The following CAMTA1 variants were observed in gnomAD, a reference collection of about 807,000 sequenced individuals.
The protein encoded by CAMTA1 is calmodulin binding transcription activator 1, also known as calmodulin-binding transcription activator 1.
Under a neutral mutation model 170.9 loss-of-function variants are expected in CAMTA1, and 27 were observed. The observed-to-expected ratio is 0.16, with a 90% CI of 0.12 to 0.22. CAMTA1 has a LOEUF of 0.22. CAMTA1 is among the 10% of genes least tolerant of loss of function. The probability of loss-of-function intolerance (pLI) is 1.00; values close to 1 mark genes in which losing one functional copy is unlikely to be tolerated. For missense variants in CAMTA1, 1,619 were observed against 2,217.2 expected (o/e 0.73, Z 5.42); for synonymous variants, 833 against 891.5 (o/e 0.93, Z 1.17).
chr1:7,589,537 A>G (rs2095339371), intron 6 of CAMTA1, among the ~76,000 whole-genome samples: 1 of 152,152 alleles, frequency 6.6e-6, no homozygotes, highest in Admixed American at 6.5e-5. Flanking sequence ...GGTGTCCGTC[A>G]TTCTGTGCAG....
At chr1:7,106,708 C>T (rs1299860529) in intron 4 of CAMTA1, among the ~76,000 whole-genome samples, 1 of 151,986 alleles carries the variant, frequency 6.6e-6, no homozygotes, top group East Asian at 1.9e-4. Context: ...TCCAGTGAAA[C>T]TTGTTTGCTC....
At position 6,915,448 on chromosome 1, in the gene CAMTA1, T is replaced by C. The variant is rs139676158; in HGVS notation, c.234+90238T>C. Reference sequence around the variant, plus strand: ...GTTTTAATTCTTTTCCTGCCCAGCTTCCTGATGTGGGGGCATTGGTACAGG... The same window carrying C: ...GTTTTAATTCTTTTCCTGCCCAGCTCCCTGATGTGGGGGCATTGGTACAGG... On this transcript the variant is annotated intron_variant, in intron 3 of 22. Transcript: ENST00000303635. Among the ~76,000 whole-genome samples the C allele has an allele frequency of 2.7e-3, 410 of 152,326 alleles. 1 individual carries two copies. The highest frequency in any genetic ancestry group is 3.6e-3 in the Non-Finnish European group (248 of 68,030).
At chr1:7,369,465 A>T (rs559201537) in intron 5 of CAMTA1, among the ~76,000 whole-genome samples, 55 of 152,274 alleles carry the variant, frequency 3.6e-4, no homozygotes, top group African/African-American at 1.3e-3. Flanking sequence ...AACTTGCTGA[A>T]ATCTGTTATG....
At chr1:7,754,915 G>C (rs1300190460) in intron 21 of CAMTA1, among the ~76,000 whole-genome samples, 1 of 152,122 alleles carries the variant, frequency 6.6e-6, no homozygotes, top group Non-Finnish European at 1.5e-5. Context: ...GTTTTAAACT[G>C]ATATTTTCTT....
intron 12 of CAMTA1, among the ~76,000 whole-genome samples, chr1:7,735,669 C>T (rs865930313): frequency 2.0e-5 from 3 of 152,102 alleles, no homozygotes; most frequent in African/African-American, 4.8e-5. Flanking sequence ...TAGATAGACT[C>T]GTGTCTGTAG....
intron 5 of CAMTA1, among the ~76,000 whole-genome samples, chr1:7,268,645 A>G (rs1388485294): frequency 1.3e-5 from 2 of 152,218 alleles, no homozygotes; most frequent in African/African-American, 4.8e-5. Flanking sequence ...ACAAATCAAA[A>G]TGAGCAAGCT....
intron 5 of CAMTA1, among the ~76,000 whole-genome samples, chr1:7,332,376 G>A (rs1019921018): frequency 2.4e-4 from 36 of 152,254 alleles, no homozygotes; most frequent in African/African-American, 8.4e-4. Context: ...CAGTCCTGTG[G>A]GATTTCTCTG....
At position 7,635,071 on chromosome 1, in the gene CAMTA1, C is replaced by G. The variant is rs1470101783; in HGVS notation, c.511-5329C>G. Among the ~76,000 whole-genome samples the G allele has an allele frequency of 1.3e-5, 2 of 152,240 alleles. No homozygotes were observed. Among genetic ancestry groups the G allele is most frequent in the Non-Finnish European group, 2.9e-5 (2 of 68,054 alleles). ...CACAGACCATGCCACGGGGCTCTCT[C>G]TCCCCAGCCTTTGGCACTGACCAGG... On this transcript the variant is annotated intron_variant, in intron 6 of 22. Coordinates refer to ENST00000303635, the MANE Select transcript of CAMTA1 (RefSeq NM_015215.4). This position sits in a 1 kb window ranked among gnomAD's most constrained non-coding sequence, Gnocchi z 4.4.
intron 6 of CAMTA1, among the ~76,000 whole-genome samples, chr1:7,598,776 T>G (rs1163115704): frequency 6.6e-6 from 1 of 152,238 alleles, no homozygotes; most frequent in Non-Finnish European, 1.5e-5. Context: ...GCCCACTTTT[T>G]GATGGGGTTG....
chr1:6,985,735 A>T (rs921367147), intron 3 of CAMTA1, among the ~76,000 whole-genome samples: 4 of 152,158 alleles, frequency 2.6e-5, no homozygotes, highest in Non-Finnish European at 5.9e-5. Flanking sequence ...CACGGGGAGG[A>T]TTGATGTACA....
At chr1:6,800,306 C>G (rs1438517881) in intron 1 of CAMTA1, among the ~76,000 whole-genome samples, 2 of 151,942 alleles carry the variant, frequency 1.3e-5, no homozygotes, top group Non-Finnish European at 1.5e-5. Context: ...ACCTGGGAGG[C>G]TGAGGTTGGA....
At chr1:7,629,729 G>C (rs1040905935) in intron 6 of CAMTA1, among the ~76,000 whole-genome samples, 1 of 152,118 alleles carries the variant, frequency 6.6e-6, no homozygotes, top group Non-Finnish European at 1.5e-5. Flanking sequence ...CCCTAGTTCA[G>C]ACCCAGCTCT....
At chr1:7,545,892 G>A (rs1295046782) in intron 6 of CAMTA1, among the ~76,000 whole-genome samples, 1 of 148,844 alleles carries the variant, frequency 6.7e-6, no homozygotes, top group East Asian at 2.0e-4. Context: ...ACATGTCCAT[G>A]TGTTCTCATT....
intron 3 of CAMTA1, among the ~76,000 whole-genome samples, chr1:6,859,043 T>C (rs929486586): frequency 6.6e-6 from 1 of 152,234 alleles, no homozygotes; most frequent in Admixed American, 6.5e-5. Context: ...TATATACTTA[T>C]AAAAGTAATA....
intron 3 of CAMTA1, chr1:6,888,121 C>G: frequency 1.0e-6 from 1 of 981,576 alleles, no homozygotes; most frequent in South Asian, 3.7e-5. Flanking sequence ...AGAGCAGGGC[C>G]TTTGTCTTGT....
chr1:7,399,772 T>C (rs542920547), intron 5 of CAMTA1, among the ~76,000 whole-genome samples: 2 of 152,348 alleles, frequency 1.3e-5, no homozygotes, highest in Admixed American at 1.3e-4. Flanking sequence ...AGGTTTTTTT[T>C]CTTCCAGCAC....
At position 6,947,118 on chromosome 1, in the gene CAMTA1, C is replaced by T. The variant is rs541040161; in HGVS notation, c.234+121908C>T. Among the ~76,000 whole-genome samples, 60 of 152,264 alleles carry T rather than the reference C, an allele frequency of 3.9e-4. 2 individuals carry two copies. The South Asian group carries it at 8.7e-3, about 22-fold the overall frequency. On this transcript the variant is annotated intron_variant, in intron 3 of 22. Transcript: ENST00000303635. ...GGTATCCTTTTTGTAAATCAATTGG[C>T]CATAAGTGTGAGGGTTAACTTCTGA...
chr1:7,405,057 T>C (rs2090191190), intron 5 of CAMTA1, among the ~76,000 whole-genome samples: 1 of 152,080 alleles, frequency 6.6e-6, no homozygotes, highest in South Asian at 2.1e-4. Flanking sequence ...CTGGTACTCA[T>C]TGCAGGTAAG....
intron 4 of CAMTA1, among the ~76,000 whole-genome samples, chr1:7,200,564 G>A (rs1336475540): frequency 1.3e-5 from 2 of 152,190 alleles, no homozygotes; most frequent in Middle Eastern, 3.4e-3. Context: ...TTCTTGAATC[G>A]GACATTTTTG....
Sources: gnomAD v4.1 joint callset for allele counts (sites outside exome capture counted in the v4.1 genomes callset) on GRCh38, gnomAD v4.1.1 for gene constraint, Gnocchi (gnomAD v3.1) non-coding constraint, MANE v1.5 for transcripts, NCBI Gene and HGNC (gene_info 2026-07-23, HGNC 2026-07-21) for gene names.